Variants in GLIS3 observed in about 807,000 individuals in gnomAD.
GLIS3 encodes GLIS family zinc finger 3, also known as zinc finger protein GLIS3.
In GLIS3, 53 loss-of-function variants were observed where a neutral mutation model predicts 78.6. That is an observed-to-expected ratio of 0.67 (90% CI 0.54 to 0.85). The LOEUF is 0.85. Among genes scored for constraint, GLIS3 ranks in the 40% least tolerant of loss-of-function variants. GLIS3 has a pLI of 0.00. For missense variants in GLIS3, 1,703 were observed against 1,231.1 expected, an observed-to-expected ratio of 1.38 and a Z score of -5.74; for synonymous variants, 684 against 509.9, an observed-to-expected ratio of 1.34 and a Z score of -4.60.
chr9:4,349,442 AC>A (rs1817934660), upstream of GLIS3, among the ~76,000 whole-genome samples: 1 of 152,210 alleles, frequency 6.6e-6, no homozygotes, highest in South Asian at 2.1e-4. Context: ...TGCATACAAT[AC>A]CCTCTCGTAG....
At chr9:4,417,334 G>T in the GLIS3 span, among the ~76,000 whole-genome samples, 2 of 152,098 alleles carry the variant, frequency 1.3e-5, no homozygotes, top group African/African-American at 4.8e-5. Flanking sequence ...AATTTTGTTC[G>T]TATCAAACCA....
At chr9:4,013,158 G>T (rs1420907558) in intron 4 of GLIS3, among the ~76,000 whole-genome samples, 1 of 151,822 alleles carries the variant, frequency 6.6e-6, no homozygotes, top group Non-Finnish European at 1.5e-5. Context: ...AGGAAATTTG[G>T]GTTCTCTGGT....
chr9:4,121,806 C>T (rs992826936), intron 3 of GLIS3, among the ~76,000 whole-genome samples: 1 of 152,222 alleles, frequency 6.6e-6, no homozygotes, highest in Non-Finnish European at 1.5e-5. Context: ...CCTGGTATAA[C>T]AGGCTTAAAG....
intron 7 of GLIS3, among the ~76,000 whole-genome samples, chr9:3,896,882 C>T (rs972861737): frequency 2.0e-5 from 3 of 151,938 alleles, no homozygotes; most frequent in Non-Finnish European, 4.4e-5. Context: ...CTACCACAGC[C>T]GGAGGCTCTA....
chr9:4,355,651 C>A, the GLIS3 span, among the ~76,000 whole-genome samples: 1 of 152,262 alleles, frequency 6.6e-6, no homozygotes, highest in African/African-American at 2.4e-5. Context: ...CTTAATCATA[C>A]CCCATCTTTT....
At chr9:4,348,429 G>C (rs886283011), upstream of GLIS3, 5 of 152,322 alleles carry the variant, frequency 3.3e-5, no homozygotes, top group African/African-American at 1.2e-4. Context: ...GGAGGCAAAA[G>C]CAAAAGAATG....
the GLIS3 span, among the ~76,000 whole-genome samples, chr9:4,396,396 T>C: frequency 6.6e-6 from 1 of 152,236 alleles, no homozygotes; most frequent in Non-Finnish European, 1.5e-5. Flanking sequence ...CCCAAAGTGC[T>C]GGGATTGCAG....
At chr9:4,464,337 T>C in the GLIS3 span, among the ~76,000 whole-genome samples, 1 of 151,782 alleles carries the variant, frequency 6.6e-6, no homozygotes, top group Non-Finnish European at 1.5e-5. Flanking sequence ...TGATTTCAAT[T>C]TGTGATAGTA....
At chr9:4,423,356 C>T in the GLIS3 span, among the ~76,000 whole-genome samples, 1 of 152,088 alleles carries the variant, frequency 6.6e-6, no homozygotes, top group Non-Finnish European at 1.5e-5. Flanking sequence ...TCTTAGCTCC[C>T]AAGGCCTCCT....
the GLIS3 span, among the ~76,000 whole-genome samples, chr9:4,413,092 T>C: frequency 1.3e-5 from 2 of 152,236 alleles, no homozygotes; most frequent in African/African-American, 2.4e-5. Flanking sequence ...ACATGCTCAA[T>C]AGATGATGCT....
intron 4 of GLIS3, among the ~76,000 whole-genome samples, chr9:3,993,838 AT>A (rs527306479): frequency 5.2e-4 from 79 of 152,076 alleles, no homozygotes; most frequent in Admixed American, 2.0e-3. Flanking sequence ...AAAAATTGTC[AT>A]TTTTTTTCTG....
chr9:4,325,640 G>A (rs1429146167), intron 2 of GLIS3, among the ~76,000 whole-genome samples: 1 of 152,108 alleles, frequency 6.6e-6, no homozygotes, highest in South Asian at 2.1e-4. Context: ...AACCAGACAA[G>A]ATACACTTAG....
At chr9:3,961,298 C>T (rs1228928884) in intron 4 of GLIS3, among the ~76,000 whole-genome samples, 2 of 152,136 alleles carry the variant, frequency 1.3e-5, no homozygotes, top group African/African-American at 4.8e-5. Flanking sequence ...TTGTACTAAT[C>T]ATTTTGGTGT....
At chr9:3,837,497 T>G (rs996361861) in intron 9 of GLIS3, among the ~76,000 whole-genome samples, 1 of 152,224 alleles carries the variant, frequency 6.6e-6, no homozygotes, top group Non-Finnish European at 1.5e-5. Flanking sequence ...TATTCATCAC[T>G]GCCAAAATTT....
chr9:4,182,580 A>C (rs1171617836), intron 2 of GLIS3, among the ~76,000 whole-genome samples: 1 of 152,226 alleles, frequency 6.6e-6, no homozygotes, highest in Non-Finnish European at 1.5e-5. Context: ...GTATCACCAC[A>C]AACATCTTGG....
At chr9:4,042,984 G>A (rs548855083) in intron 4 of GLIS3, among the ~76,000 whole-genome samples, 3 of 150,008 alleles carry the variant, frequency 2.0e-5, no homozygotes, top group South Asian at 2.1e-4. Flanking sequence ...GAAAAAGAGC[G>A]CAAACCCCAA....
intron 2 of GLIS3, among the ~76,000 whole-genome samples, chr9:4,251,739 G>C (rs1032814113): frequency 1.3e-5 from 2 of 152,128 alleles, no homozygotes; most frequent in African/African-American, 4.8e-5. Context: ...GCAGTGGCTG[G>C]TACCAGTTTT....
chr9:4,287,503 G>C (rs1828104696), intron 1 of GLIS3, among the ~76,000 whole-genome samples: 1 of 152,182 alleles, frequency 6.6e-6, no homozygotes, highest in Admixed American at 6.5e-5. Context: ...GTGGTAAAGT[G>C]CCATGGTTGT....
intron 4 of GLIS3, among the ~76,000 whole-genome samples, chr9:3,947,931 G>A (rs1026311504): frequency 6.6e-6 from 1 of 152,130 alleles, no homozygotes; most frequent in Non-Finnish European, 1.5e-5. Flanking sequence ...TATAAATCCT[G>A]TACTTCTTGT....
Sources: gnomAD v4.1 joint callset for allele counts (sites outside exome capture counted in the v4.1 genomes callset) on GRCh38, gnomAD v4.1.1 for gene constraint, MANE v1.5 for transcripts, NCBI Gene and HGNC (gene_info 2026-07-23, HGNC 2026-07-21) for gene names.